TENM2: variants seen among roughly 807,000 people sequenced by gnomAD.
TENM2 encodes teneurin transmembrane protein 2, also known as teneurin-2.
In TENM2, 52 loss-of-function variants were observed where a neutral mutation model predicts 245.2. The ratio of observed to expected loss-of-function variants is 0.21; its 90% confidence interval spans 0.17 to 0.27. The LOEUF is 0.27. TENM2 is among the 10% of genes least tolerant of loss of function. TENM2 has a pLI of 1.00. For synonymous variants in TENM2, 1,363 were observed against 1,438.9 expected (o/e 0.95, Z 1.19); for missense variants, 3,046 against 3,666.8 (o/e 0.83, Z 4.37).
At chr5:167,462,181 A>ACCCCCCCC (rs34703422) in intron 2 of TENM2, among the ~76,000 whole-genome samples, 1 of 75,022 alleles carries the variant, frequency 1.3e-5, no homozygotes, top group Non-Finnish European at 2.7e-5. Context: ...CCTGACCCCC[A>ACCCCCCCC]CCCCCCCCCC....
chr5:168,250,225 T>C (rs72835080), intron 27 of TENM2, among the ~76,000 whole-genome samples: 52,644 of 151,358 alleles, frequency 0.35, 11,342 homozygotes, highest in Non-Finnish European at 0.46. Flanking sequence ...GGTGAATGGA[T>C]GGATGGGTGT....
intron 5 of TENM2, among the ~76,000 whole-genome samples, chr5:168,015,190 GCA>G (rs1213550390): frequency 6.6e-6 from 1 of 152,238 alleles, no homozygotes; most frequent in Non-Finnish European, 1.5e-5. Flanking sequence ...GTAGGCAATA[GCA>G]CAGTTTCCCC....
chr5:167,478,045 G>T (rs915395457), intron 2 of TENM2, among the ~76,000 whole-genome samples: 1 of 152,206 alleles, frequency 6.6e-6, no homozygotes, highest in African/African-American at 2.4e-5. Context: ...TGTAGTGAAT[G>T]CTGTTGCATT....
chr5:168,111,084 G>A (rs1326065515), intron 9 of TENM2, among the ~76,000 whole-genome samples: 1 of 152,102 alleles, frequency 6.6e-6, no homozygotes, highest in Non-Finnish European at 1.5e-5. Context: ...CTTAACTAAA[G>A]CAATTAAATT....
At chr5:168,255,177 T>C (rs1302006457) in intron 27 of TENM2, among the ~76,000 whole-genome samples, 1 of 152,242 alleles carries the variant, frequency 6.6e-6, no homozygotes, top group African/African-American at 2.4e-5. Flanking sequence ...GATGAAGTAT[T>C]AAGTAACAAA....
rs1243930463 is a variant in TENM2, at chr5:167,654,548, G to A, written c.503-221438G>A. On this transcript the variant is annotated intron_variant, in intron 2 of 28. Coordinates refer to ENST00000518659, the Ensembl canonical transcript of TENM2. ...ATGGGGATGGAGATGATCCAGAATT[G>A]CATTTTCTTTGCTATTATACTCATC... is the stretch of plus-strand genomic sequence containing the variant. 3.3e-5 allele frequency among the ~76,000 whole-genome samples: 5 copies of A among 151,642 alleles called. No individual in the cohort carries two copies. In the South Asian group the frequency reaches 1.0e-3, roughly 32 times the overall value.
At chr5:168,122,986 A>G (rs1307798626) in intron 10 of TENM2, among the ~76,000 whole-genome samples, 2 of 152,162 alleles carry the variant, frequency 1.3e-5, no homozygotes, top group African/African-American at 2.4e-5. Flanking sequence ...TTTAGAGCCA[A>G]TACGTCATCA....
At chr5:168,101,592 G>T (rs1393100555) in intron 9 of TENM2, among the ~76,000 whole-genome samples, 1 of 152,116 alleles carries the variant, frequency 6.6e-6, no homozygotes, top group Non-Finnish European at 1.5e-5. Flanking sequence ...ATTAGCCATG[G>T]TATATAATTG....
At chr5:168,227,926 T>C in exon 25 of TENM2, 1 of 1,611,998 alleles carries the variant, frequency 6.2e-7, no homozygotes, top group Middle Eastern at 1.7e-4. Flanking sequence ...AGCTCTGTAA[T>C]AATGGTACCC....
At chr5:167,684,026 TCTC>T (rs1039042888) in intron 2 of TENM2, among the ~76,000 whole-genome samples, 14 of 152,102 alleles carry the variant, frequency 9.2e-5, no homozygotes, top group Non-Finnish European at 1.3e-4. Flanking sequence ...AACCAGAAGG[TCTC>T]CTCCTGCAGC....
intron 2 of TENM2, among the ~76,000 whole-genome samples, chr5:167,560,196 C>T (rs537514240): frequency 1.8e-4 from 28 of 152,288 alleles, no homozygotes; most frequent in African/African-American, 6.5e-4. Context: ...GAATCAAAAC[C>T]TGCATTTTAA....
intron 5 of TENM2, among the ~76,000 whole-genome samples, chr5:168,025,161 A>G (rs1786489949): frequency 6.6e-6 from 1 of 152,224 alleles, no homozygotes; most frequent in Admixed American, 6.5e-5. Flanking sequence ...GGAAAACTAC[A>G]TGGTCTTCAA....
chr5:168,224,120 C>T (rs1056371087), intron 23 of TENM2, among the ~76,000 whole-genome samples: 2 of 152,230 alleles, frequency 1.3e-5, no homozygotes, highest in Non-Finnish European at 2.9e-5. Flanking sequence ...TAATTTGTCA[C>T]TATTGTAAAT....
intron 1 of TENM2, among the ~76,000 whole-genome samples, chr5:167,358,773 T>A (rs1357831142): frequency 6.7e-6 from 1 of 148,954 alleles, no homozygotes; most frequent in East Asian, 2.0e-4. Flanking sequence ...CAAAGTAAAC[T>A]CAACATCTCG....
chr5:167,060,872 G>A, the TENM2 span, among the ~76,000 whole-genome samples: 1 of 151,848 alleles, frequency 6.6e-6, no homozygotes, highest in Non-Finnish European at 1.5e-5. Flanking sequence ...TTCATGGCTG[G>A]CATATTGGAC....
At chr5:167,953,172 C>G (rs1780256401) in intron 4 of TENM2, among the ~76,000 whole-genome samples, 1 of 152,148 alleles carries the variant, frequency 6.6e-6, no homozygotes, top group Non-Finnish European at 1.5e-5. Flanking sequence ...TGCATTTGGC[C>G]TTTCTTGAAG....
At position 167,381,478 on chromosome 5, in the gene TENM2, C is replaced by G. The variant is rs547265301; in HGVS notation, c.502+6005C>G. On this transcript the variant is annotated intron_variant, in intron 2 of 28. Transcript: ENST00000518659. ...TTGTTTAATTTGCTTAGTGCAGTAT[C>G]AAACATTTTTAGATTAACAACCAAC... is the stretch of plus-strand genomic sequence containing the variant. 5.9e-5 allele frequency among the ~76,000 whole-genome samples: 9 copies of G among 152,228 alleles called. No homozygotes were observed. The East Asian group carries it at 1.7e-3, about 29-fold the overall frequency.
chr5:168,034,131 ATATG>A (rs1787426382), intron 5 of TENM2, among the ~76,000 whole-genome samples: 1 of 106,878 alleles, frequency 9.4e-6, no homozygotes, highest in African/African-American at 3.2e-5. Flanking sequence ...GTATATATAT[ATATG>A]TATACATATA....
At chr5:167,904,777 G>C (rs756705125) in intron 3 of TENM2, among the ~76,000 whole-genome samples, 15 of 152,090 alleles carry the variant, frequency 9.9e-5, no homozygotes, top group African/African-American at 3.6e-4. Flanking sequence ...AACCCATAAG[G>C]AGGGTGACCA....
Sources: allele counts gnomAD v4.1 joint callset (sites outside exome capture counted in the v4.1 genomes callset), GRCh38; gene constraint gnomAD v4.1.1; transcripts MANE v1.5; gene names NCBI Gene and HGNC (gene_info 2026-07-23, HGNC 2026-07-21).